Variants in BRINP2 observed in about 807,000 individuals in gnomAD.
The protein encoded by BRINP2 is BMP/retinoic acid-inducible neural-specific protein 2.
A neutral mutation model predicts 69.2 loss-of-function variants in BRINP2; 21 were observed. The observed-to-expected ratio is 0.30, with a 90% CI of 0.22 to 0.44. The LOEUF is 0.44. Ranked by LOEUF, BRINP2 falls within the 20% of genes least tolerant of loss-of-function variation. The probability of loss-of-function intolerance (pLI) is 1.00; values close to 1 mark genes in which losing one functional copy is unlikely to be tolerated. For synonymous variants in BRINP2, 380 were observed against 394.1 expected (o/e 0.96, Z 0.42); for missense variants, 877 against 986.0 (o/e 0.89, Z 1.48).
At chr1:177,198,529 G>A (rs903455114) in intron 1 of BRINP2, among the ~76,000 whole-genome samples, 3 of 152,232 alleles carry the variant, frequency 2.0e-5, no homozygotes, top group Non-Finnish European at 4.4e-5. Context: ...AATGAATCAT[G>A]TGGGAGTTCA....
At chr1:177,177,388 C>T (rs1325821051) in intron 1 of BRINP2, among the ~76,000 whole-genome samples, 1 of 152,134 alleles carries the variant, frequency 6.6e-6, no homozygotes, top group African/African-American at 2.4e-5. Flanking sequence ...TTAAAAATTA[C>T]AGATTGGAAT....
At position 177,235,414 on chromosome 1, in the gene BRINP2, G is replaced by A. The variant is rs867876256; in HGVS notation, c.269+5269G>A. Among the ~76,000 whole-genome samples, 11 of 152,162 alleles carry A rather than the reference G, an allele frequency of 7.2e-5. No individual in the cohort carries two copies. In the East Asian group the frequency reaches 7.7e-4, roughly 11 times the overall value. ...ATAAAATAAAATAGGAATCCAGAGC[G>A]GGTAAATCTAGGAGTTATTAGTGCC... On this transcript the variant is annotated intron_variant, in intron 2 of 7. Transcript: ENST00000361539.
chr1:177,227,161 G>T (rs1160030977), intron 1 of BRINP2, among the ~76,000 whole-genome samples: 1 of 152,108 alleles, frequency 6.6e-6, no homozygotes, highest in African/African-American at 2.4e-5. Context: ...CAAGGGGAGG[G>T]GACCATATAG....
chr1:177,248,975 A>G (rs1284056245), intron 2 of BRINP2, among the ~76,000 whole-genome samples: 1 of 152,006 alleles, frequency 6.6e-6, no homozygotes, highest in Admixed American at 6.5e-5. Flanking sequence ...CTCTTATTGC[A>G]GGGCCCCTTT....
intron 2 of BRINP2, among the ~76,000 whole-genome samples, chr1:177,237,402 A>G (rs1650062842): frequency 3.1e-5 from 4 of 130,124 alleles, no homozygotes; most frequent in Admixed American, 7.9e-5. Context: ...CATTTAATAC[A>G]TTCTCAGTGA....
chr1:177,273,688 A>G (rs1651407606), intron 5 of BRINP2, 95 bp downstream of exon 5: 3 of 702,942 alleles, frequency 4.3e-6, no homozygotes, highest in Non-Finnish European at 6.8e-6. Context: ...TGCCTGTTCC[A>G]TTTGATCAAA....
intron 2 of BRINP2, among the ~76,000 whole-genome samples, chr1:177,254,378 GCACACACACACACACACA>G (rs71565492): frequency 6.9e-6 from 1 of 143,938 alleles, no homozygotes; most frequent in African/African-American, 2.5e-5. Context: ...AAGCACACAT[GCACACACACACACACACA>G]CACACACACA....
At chr1:177,245,135 A>G (rs940745717) in intron 2 of BRINP2, among the ~76,000 whole-genome samples, 1 of 151,558 alleles carries the variant, frequency 6.6e-6, no homozygotes, top group Non-Finnish European at 1.5e-5. Context: ...GGGTCTCACT[A>G]ATAACTGAAA....
Position 177,281,376 on chromosome 1 carries a change from G to A in BRINP2, c.2200G>A (p.Gly734Ser). Residue 734 changes from glycine (G) to serine (S), a missense_variant, in exon 8 of 8, where the codon GGC becomes AGC. Gly to Ser is a moderately conservative substitution (Grantham distance 56). Around this residue, in one of 3 missense-constraint regions of BRINP2, gnomAD observed 225 missense variants for 218.7 expected, o/e 1.03. Coordinates refer to ENST00000361539, the MANE Select transcript of BRINP2 (RefSeq NM_021165.4). ...RDRVNQLSPP[G>S]KVRLDLFSCL... ...CCGGGTGAACCAGCTTTCTCCACCT[G>A]GCAAAGTCCGACTTGACCTTTTCTC... The A allele has an allele frequency of 6.2e-7, 1 of 1,614,116 alleles. No homozygotes were observed. The highest frequency in any genetic ancestry group is 8.5e-7 in the Non-Finnish European group (1 of 1,180,016).
chr1:177,180,360 C>T (rs528626366), intron 1 of BRINP2, among the ~76,000 whole-genome samples: 59 of 152,312 alleles, frequency 3.9e-4, no homozygotes, highest in African/African-American at 1.3e-3. Context: ...GTCATAGTCA[C>T]TTACCCACTG....
intron 1 of BRINP2, among the ~76,000 whole-genome samples, chr1:177,177,484 G>T (rs1248371229): frequency 6.6e-6 from 1 of 152,168 alleles, no homozygotes; most frequent in African/African-American, 2.4e-5. Flanking sequence ...TCATTCTATA[G>T]TTCACAAAAG....
chr1:177,273,514 G>A lies in BRINP2; in HGVS notation c.696G>A (p.Leu232=). 3 of 1,608,524 alleles carry A rather than the reference G, an allele frequency of 1.9e-6. No individual in the cohort carries two copies. The highest frequency in any genetic ancestry group is 2.5e-6 in the Non-Finnish European group (3 of 1,177,300). The change falls in exon 5 of 8, where the codon CTG becomes CTA. Residue 232 remains leucine (L), a synonymous_variant. Transcript: ENST00000361539. ...IKVTETRTGP[L]GCSNYDNLDS... is the part of the protein sequence containing the mutation. The stretch of plus-strand genomic sequence containing the variant: ...TCACCGAGACCAGGACCGGTCCTCT[G>A]GGCTGCAGCAACTATGACAATCTGG...
chr1:177,278,490 G>C, intron 6 of BRINP2, 73 bp from the exon 7 acceptor site: 1 of 1,407,838 alleles, frequency 7.1e-7, no homozygotes, highest in Non-Finnish European at 1.0e-6. Flanking sequence ...CTGGATCTGG[G>C]CAGCGTCCAC....
At chr1:177,229,509 C>T (rs1649798395) in intron 1 of BRINP2, among the ~76,000 whole-genome samples, 2 of 152,174 alleles carry the variant, frequency 1.3e-5, no homozygotes, top group Admixed American at 1.3e-4. Context: ...CCCCTGAGTT[C>T]AAACTCTGGT....
rs369703373 is a variant in BRINP2, at chr1:177,237,616, A to G, written c.269+7471A>G. Among the ~76,000 whole-genome samples, 27 of 152,332 alleles carry G rather than the reference A, an allele frequency of 1.8e-4. No homozygotes were observed. The East Asian group carries it at 5.2e-3, about 29-fold the overall frequency. ...ATGTGAAAATAAAAATTTGGAAGAAATGAAGGGAGCATTCAGGATGGCCAA... is the reference window on the plus strand; with the variant it reads ...ATGTGAAAATAAAAATTTGGAAGAAGTGAAGGGAGCATTCAGGATGGCCAA... On this transcript the variant is annotated intron_variant, in intron 2 of 7. Coordinates refer to ENST00000361539, the MANE Select transcript of BRINP2 (RefSeq NM_021165.4).
At position 177,280,961 on chromosome 1, in the gene BRINP2, C is replaced by T; in HGVS notation, c.1785C>T (p.Gly595=). ...CCATCTACGTCAACCCCTTTGGGGG[C>T]AGCCACTCTGAGAGCTGGTTCATGC... The part of the protein sequence containing the change: ...VMAIYVNPFG[G]SHSESWFMPV... The change falls in exon 8 of 8, where the codon GGC becomes GGT. Residue 595 remains glycine, a synonymous_variant. Transcript: ENST00000361539. 1.2e-6 allele frequency: 2 copies of T among 1,614,186 alleles called. No individual in the cohort carries two copies. The highest frequency in any genetic ancestry group is 8.5e-7 in the Non-Finnish European group (1 of 1,180,032).
chr1:177,244,820 G>A (rs1278674419), intron 2 of BRINP2, among the ~76,000 whole-genome samples: 1 of 152,100 alleles, frequency 6.6e-6, no homozygotes, highest in Non-Finnish European at 1.5e-5. Context: ...CTCATAGTAA[G>A]GGCAGAAATG....
At chr1:177,227,164 C>A (rs950396170) in intron 1 of BRINP2, among the ~76,000 whole-genome samples, 1 of 152,152 alleles carries the variant, frequency 6.6e-6, no homozygotes, top group African/African-American at 2.4e-5. Context: ...GGGGAGGGGA[C>A]CATATAGGGC....
chr1:177,269,353 A>G (rs1651234320), intron 4 of BRINP2, among the ~76,000 whole-genome samples: 1 of 152,252 alleles, frequency 6.6e-6, no homozygotes, highest in East Asian at 1.9e-4. Flanking sequence ...CATCCTGTCC[A>G]TAATTCCCCA....
Sources: gnomAD v4.1 joint callset for allele counts (sites outside exome capture counted in the v4.1 genomes callset) on GRCh38, gnomAD v4.1.1 for gene constraint, gnomAD v4.1.1 regional missense constraint, MANE v1.5 for transcripts, NCBI Gene and HGNC (gene_info 2026-07-23, HGNC 2026-07-21) for gene names.